Variants in PPFIA4 observed in about 807,000 individuals in gnomAD.
PPFIA4 encodes the protein liprin-alpha-4.
A neutral mutation model predicts 145.7 loss-of-function variants in PPFIA4; 98 were observed. That is an observed-to-expected ratio of 0.67 (90% CI 0.57 to 0.80). The LOEUF (loss-of-function observed/expected upper bound fraction) is 0.80. PPFIA4 is among the 30% of genes least tolerant of loss of function. The pLI, the probability that PPFIA4 is intolerant of heterozygous loss-of-function variation, is 0.00. For synonymous variants in PPFIA4, 628 were observed against 649.6 expected (o/e 0.97, Z 0.51); for missense variants, 1,457 against 1,632.7 (o/e 0.89, Z 1.85).
chr1:203,055,345 G>A lies in PPFIA4; in HGVS notation c.1830-87G>A. 6.4e-7 allele frequency: 1 copy of A among 1,557,552 alleles called. No homozygotes were observed. The highest frequency in any genetic ancestry group is 8.8e-7 in the Non-Finnish European group (1 of 1,135,270). ...CGGGTGTACACCGCATGTGGTCCTT[G>A]GTGGCGAGTGCAGGCATCGACCCGC... On this transcript the variant is annotated intron_variant, in intron 15 of 29. Coordinates refer to ENST00000295706, the MANE Select transcript of PPFIA4 (RefSeq NM_001304331.2). This position sits in a 1 kb window ranked among gnomAD's most constrained non-coding sequence, Gnocchi z 4.8.
intron 1 of PPFIA4, chr1:203,035,678 G>A (rs1175783646): frequency 2.2e-6 from 1 of 456,602 alleles, no homozygotes; most frequent in Admixed American, 2.3e-5. Context: ...AGTTGAGGAG[G>A]CTTCTGTTAG....
At chr1:203,027,828 C>T (rs1658515506) in intron 1 of PPFIA4, among the ~76,000 whole-genome samples, 1 of 152,212 alleles carries the variant, frequency 6.6e-6, no homozygotes, top group African/African-American at 2.4e-5. Flanking sequence ...CACCGCCCAT[C>T]CCCATTCTGT....
chr1:203,040,127 G>C (rs1041025267), intron 2 of PPFIA4, among the ~76,000 whole-genome samples: 3 of 152,246 alleles, frequency 2.0e-5, no homozygotes, highest in African/African-American at 7.2e-5. Flanking sequence ...TTTAGCTGCT[G>C]CTTGTCAAAG....
At chr1:203,063,806 C>T (rs1197372152) in intron 24 of PPFIA4, 22 bp from the exon 25 acceptor site, 7 of 1,613,500 alleles carry the variant, frequency 4.3e-6, no homozygotes, top group Non-Finnish European at 5.1e-6. Context: ...CCATAATAGC[C>T]TCCTGCATCT....
intron 27 of PPFIA4, among the ~76,000 whole-genome samples, chr1:203,070,069 C>G (rs1424372792): frequency 3.3e-5 from 5 of 152,082 alleles, no homozygotes; most frequent in Non-Finnish European, 7.4e-5. Flanking sequence ...CCTTATGGAA[C>G]TCTACGCTTA....
At position 203,048,383 on chromosome 1, in the gene PPFIA4, G is replaced by C. The variant is rs1660238673; in HGVS notation, c.1224+73G>C. The C allele has an allele frequency of 6.5e-7, 1 of 1,547,352 alleles. No homozygotes were observed. Among genetic ancestry groups the C allele is most frequent in the East Asian group, 2.3e-5 (1 of 42,780 alleles). On this transcript the variant is annotated intron_variant, in intron 10 of 29. Transcript: ENST00000295706. The surrounding 1 kb of genome is among the most constrained non-coding windows in gnomAD (Gnocchi z 5.8). Reference sequence around the variant, plus strand: ...AGGCTCCCAGGGCGGTCTGTGGAAGGGGCACGGAGGAAGGGCCTGGCCAGG... The same window carrying C: ...AGGCTCCCAGGGCGGTCTGTGGAAGCGGCACGGAGGAAGGGCCTGGCCAGG...
chr1:203,072,617 A>G (rs1405783641), intron 28 of PPFIA4, among the ~76,000 whole-genome samples: 5 of 152,158 alleles, frequency 3.3e-5, no homozygotes, highest in Admixed American at 3.3e-4. Context: ...ATCTGGCTCC[A>G]AACAAGTTAA....
Position 203,043,457 on chromosome 1 carries a change from G to A in PPFIA4, c.295G>A (p.Glu99Lys). Residue 99 changes from glutamate to lysine, a missense_variant, in exon 3 of 30, where the codon GAA (glutamate) becomes AAA (lysine). Around this residue, in one of 3 missense-constraint regions of PPFIA4, gnomAD observed 463 missense variants for 459.8 expected, o/e 1.01. Transcript: ENST00000295706. This position sits in a 1 kb window ranked among gnomAD's most constrained non-coding sequence, Gnocchi z 4.4. ...TCGGGAGCAGCTTCTAGAGCGGGAGGAAGAGATATCAGAACTGAAAGCAGA... is the reference window on the plus strand; with the variant it reads ...TCGGGAGCAGCTTCTAGAGCGGGAGAAAGAGATATCAGAACTGAAAGCAGA... ...MCREQLLERE[E>K]EISELKAERN... The A allele has an allele frequency of 6.2e-7, 1 of 1,611,654 alleles. No individual in the cohort carries two copies. Among genetic ancestry groups the A allele is most frequent in the South Asian group, 1.1e-5 (1 of 90,748 alleles).
At chr1:203,061,499 G>C in intron 23 of PPFIA4, 153 bp from the exon 24 acceptor site, 1 of 729,878 alleles carries the variant, frequency 1.4e-6, no homozygotes, top group Non-Finnish European at 2.2e-6. Context: ...CACCAACCTT[G>C]TGTTCTCTCT....
intron 19 of PPFIA4, among the ~76,000 whole-genome samples, chr1:203,058,474 T>A (rs780707420): frequency 1.3e-5 from 2 of 152,088 alleles, no homozygotes; most frequent in African/African-American, 2.4e-5. Flanking sequence ...GGAAGAAGCA[T>A]TTTGGGTGAA....
At chr1:203,051,631 C>T (rs1416418991) in intron 13 of PPFIA4, 138 bp from the exon 14 acceptor site, 2 of 1,441,130 alleles carry the variant, frequency 1.4e-6, no homozygotes, top group African/African-American at 2.8e-5. Flanking sequence ...GCCCTTCAGA[C>T]ATTTGTGACA....
At chr1:203,054,009 G>C in intron 15 of PPFIA4, 48 bp downstream of exon 15, 1 of 1,533,746 alleles carries the variant, frequency 6.5e-7, no homozygotes, top group South Asian at 1.2e-5. Flanking sequence ...AGGGCAGGGG[G>C]GCCCTTTGTG....
chr1:203,049,744 G>GT lies in PPFIA4; in HGVS notation c.1491dup (p.Val498CysfsTer63). ...ACCAGCTGAAGGGCCGAGGGGGGCC[G>GT]TTTGTGGATGGCGTCCACTCCAGGT... On this transcript the variant is annotated frameshift_variant, in exon 13 of 30. Coordinates refer to ENST00000295706, the MANE Select transcript of PPFIA4 (RefSeq NM_001304331.2). LOFTEE classifies it high-confidence loss of function. 1 of 1,588,844 alleles carries GT rather than the reference G, an allele frequency of 6.3e-7. No homozygotes were observed. The highest frequency in any genetic ancestry group is 8.6e-7 in the Non-Finnish European group (1 of 1,167,138).
intron 2 of PPFIA4, among the ~76,000 whole-genome samples, chr1:203,039,635 C>T (rs1411186413): frequency 6.6e-6 from 1 of 152,170 alleles, no homozygotes; most frequent in Non-Finnish European, 1.5e-5. Context: ...CGTCCAGCTC[C>T]GTTATTGCAT....
chr1:203,051,042 C>A, intron 13 of PPFIA4: 1 of 686,074 alleles, frequency 1.5e-6, no homozygotes, highest in Non-Finnish European at 1.8e-6. Flanking sequence ...TCACTGTGTC[C>A]CTTCACTCTG....
At chr1:203,050,879 C>CTT (rs55718337) in intron 13 of PPFIA4, among the ~76,000 whole-genome samples, 11 of 144,556 alleles carry the variant, frequency 7.6e-5, no homozygotes, top group African/African-American at 2.3e-4. Context: ...CACTGCTTGG[C>CTT]TTTTTTTTTT....
In PPFIA4 at chr1:203,056,831, AG is replaced by A; in HGVS notation, c.2290del (p.Asp764ThrfsTer28). On this transcript the variant is annotated frameshift_variant, in exon 19 of 30. Transcript: ENST00000295706. LOFTEE classifies it high-confidence loss of function. ...AACCCCAGCAGCAGCAACAGCAGCC[AG>A]GACTCCCTGCACAAGGGCGCCAAGC... ...GSNPSSSNSSQDSLHKGAKRK... is the reference protein window; with the variant it reads ...GSNPSSSNSSXDSLHKGAKRK... 1 of 1,613,966 alleles carries A rather than the reference AG, an allele frequency of 6.2e-7. No individual in the cohort carries two copies. Among genetic ancestry groups the A allele is most frequent in the East Asian group, 2.2e-5 (1 of 44,874 alleles).
In PPFIA4 at chr1:203,053,750, A is replaced by G; in HGVS notation, c.1621-3A>G. The G allele has an allele frequency of 6.5e-7, 1 of 1,550,056 alleles. No homozygotes were observed. The highest frequency in any genetic ancestry group is 1.2e-5 in the South Asian group (1 of 83,992). ...GACTCCTTTACCCTCCTCCTTTGCT[A>G]AGGACTGGGAGACTTCTCCACTGCC... On this transcript the variant is annotated splice_polypyrimidine_tract_variant and splice_region_variant and intron_variant, in intron 14 of 29. Coordinates refer to ENST00000295706, the MANE Select transcript of PPFIA4 (RefSeq NM_001304331.2).
intron 25 of PPFIA4, among the ~76,000 whole-genome samples, chr1:203,065,505 G>T (rs1244989960): frequency 6.6e-6 from 1 of 152,140 alleles, no homozygotes; most frequent in Non-Finnish European, 1.5e-5. Flanking sequence ...CAGGACTATG[G>T]AAATCCTCCC....
Sources: allele counts gnomAD v4.1 joint callset (sites outside exome capture counted in the v4.1 genomes callset), GRCh38; gene constraint gnomAD v4.1.1; regional missense constraint gnomAD v4.1.1; non-coding constraint Gnocchi (gnomAD v3.1); transcripts MANE v1.5; gene names NCBI Gene and HGNC (gene_info 2026-07-23, HGNC 2026-07-21).